Variants in SLCO4C1 observed in about 807,000 individuals in gnomAD.
SLCO4C1 encodes the protein organic anion transporter M1.
Under a neutral mutation model 72.1 loss-of-function variants are expected in SLCO4C1, and 58 were observed. That is an observed-to-expected ratio of 0.80 (90% CI 0.65 to 1.00). SLCO4C1 has a LOEUF of 1.00. Ranked by LOEUF, SLCO4C1 falls within the 50% of genes least tolerant of loss-of-function variation. The pLI is 0.00. For synonymous variants in SLCO4C1, 297 were observed against 312.5 expected (o/e 0.95, Z 0.52); for missense variants, 898 against 857.9 (o/e 1.05, Z -0.58).
chr5:102,236,837 A>C lies in SLCO4C1; in HGVS notation c.*21T>G, dbSNP rs749305462. ...TCGAGGTAAATTTTCCAGGTGTAAA[A>C]CAGTCTTCTCTTTTCCCATTTCACC... On this transcript the variant is annotated 3_prime_UTR_variant, in exon 13 of 13. Transcript: ENST00000310954. 6.2e-7 allele frequency: 1 copy of C among 1,607,770 alleles called. No homozygotes were observed. Among genetic ancestry groups the C allele is most frequent in the African/African-American group, 1.3e-5 (1 of 74,824 alleles).
At chr5:102,254,817 A>C (rs1748804612) in intron 8 of SLCO4C1, among the ~76,000 whole-genome samples, 1 of 152,202 alleles carries the variant, frequency 6.6e-6, no homozygotes, top group African/African-American at 2.4e-5. Context: ...TGGAAAACCA[A>C]AATATCCACT....
Position 102,269,238 on chromosome 5 carries a change from T to G in SLCO4C1, c.802+1386A>C, listed in dbSNP as rs555231448. On this transcript the variant is annotated intron_variant, in intron 3 of 12. Transcript: ENST00000310954. ...CCCACAATTTGAGATGTTTTCAGCA[T>G]TATTTCATTATATGGATTTTCTATA... Among the ~76,000 whole-genome samples, 26 of 152,282 alleles carry G rather than the reference T, an allele frequency of 1.7e-4. No homozygotes were observed. The South Asian group carries it at 2.1e-3, about 12-fold the overall frequency.
At chr5:102,273,410 A>T (rs144042452) in intron 2 of SLCO4C1, among the ~76,000 whole-genome samples, 1 of 152,302 alleles carries the variant, frequency 6.6e-6, no homozygotes, top group Admixed American at 6.5e-5. Flanking sequence ...AAGTCTGTGA[A>T]TTTTAAAGAT....
At chr5:102,259,572 G>T (rs544090460) in intron 6 of SLCO4C1, among the ~76,000 whole-genome samples, 2 of 152,020 alleles carry the variant, frequency 1.3e-5, no homozygotes, top group South Asian at 4.1e-4. Context: ...TCTTGAAAAG[G>T]TAAAATTATA....
chr5:102,271,198 C>T (rs1290999852), intron 2 of SLCO4C1, among the ~76,000 whole-genome samples: 1 of 151,960 alleles, frequency 6.6e-6, no homozygotes, highest in South Asian at 2.1e-4. Context: ...ATGTCCCGGA[C>T]GTCTCTGATA....
At chr5:102,261,256 T>C (rs975281128) in intron 5 of SLCO4C1, among the ~76,000 whole-genome samples, 1 of 151,780 alleles carries the variant, frequency 6.6e-6, no homozygotes, top group African/African-American at 2.4e-5. Flanking sequence ...CTAATAAAAA[T>C]ACAAAATTAG....
chr5:102,247,471 A>T, intron 9 of SLCO4C1, 29 bp from the exon 10 acceptor site: 1 of 1,376,850 alleles, frequency 7.3e-7, no homozygotes, highest in Non-Finnish European at 9.9e-7. Flanking sequence ...AAAACAATGA[A>T]AGTGATCATT....
chr5:102,249,772 T>C lies in SLCO4C1; in HGVS notation c.1486A>G (p.Asn496Asp). The C allele has an allele frequency of 6.2e-7, 1 of 1,613,646 alleles. No individual in the cohort carries two copies. The change falls in exon 9 of 13, where the codon AAC becomes GAC. Residue 496 changes from asparagine (N) to aspartate (D), a missense_variant. Asn to Asp is a conservative substitution (Grantham distance 23). Coordinates refer to ENST00000310954, the MANE Select transcript of SLCO4C1 (RefSeq NM_180991.5). Reference protein sequence around the residue: ...ESYNGTGELGNLIAPCNANCN... With the variant: ...ESYNGTGELGDLIAPCNANCN... The stretch of plus-strand genomic sequence containing the variant: ...TTGGCATTACAAGGGGCTATCAAGT[T>C]TCCCAATTCTCCAGTCCTGTAAATA...
At position 102,236,985 on chromosome 5, in the gene SLCO4C1, T is replaced by C. The variant is rs1208776500; in HGVS notation, c.2048A>G (p.Asn683Ser). Residue 683 changes from asparagine (N) to serine (S), a missense_variant, in exon 13 of 13, where the codon AAT becomes AGT. Transcript: ENST00000310954. ...VTCKVITMFFNGFAIFLYKPP... is the reference protein window; with the variant it reads ...VTCKVITMFFSGFAIFLYKPP... The stretch of plus-strand genomic sequence containing the variant: ...TTTATACAAAAAGATTGCAAATCCA[T>C]TGAAGAACATGGTGATAACTTTACA... The C allele has an allele frequency of 3.1e-6, 5 of 1,610,286 alleles. No homozygotes were observed. The African/African-American group carries it at 5.3e-5, about 17-fold the overall frequency.
chr5:102,256,951 A>G (rs931799878), intron 8 of SLCO4C1, among the ~76,000 whole-genome samples, 164 bp downstream of exon 8: 9 of 152,224 alleles, frequency 5.9e-5, no homozygotes, highest in Admixed American at 2.0e-4. Context: ...TTAAGAAGAC[A>G]TCAATTATCT....
intron 1 of SLCO4C1, among the ~76,000 whole-genome samples, chr5:102,293,675 T>C (rs919960967): frequency 6.6e-6 from 1 of 152,154 alleles, no homozygotes. Flanking sequence ...GGCAATAAAG[T>C]TTTCAGGCAT....
At chr5:102,288,411 T>C (rs1278929470) in intron 2 of SLCO4C1, among the ~76,000 whole-genome samples, 2 of 152,174 alleles carry the variant, frequency 1.3e-5, no homozygotes, top group Admixed American at 6.5e-5. Flanking sequence ...CTTTTTCCTA[T>C]AAAACACACT....
At chr5:102,284,766 A>AT (rs534142225) in intron 2 of SLCO4C1, among the ~76,000 whole-genome samples, 44 of 152,128 alleles carry the variant, frequency 2.9e-4, no homozygotes, top group Middle Eastern at 6.8e-3. Context: ...AAGGACATGG[A>AT]TTTTTTAAAC....
At position 102,236,825 on chromosome 5, in the gene SLCO4C1, T is replaced by C; in HGVS notation, c.*33A>G. Reference sequence around the variant, plus strand: ...TGTTCTTAAAAATCGAGGTAAATTTTCCAGGTGTAAAACAGTCTTCTCTTT... The same window carrying C: ...TGTTCTTAAAAATCGAGGTAAATTTCCCAGGTGTAAAACAGTCTTCTCTTT... On this transcript the variant is annotated 3_prime_UTR_variant, in exon 13 of 13. Transcript: ENST00000310954. The C allele has an allele frequency of 6.3e-7, 1 of 1,599,226 alleles. No individual in the cohort carries two copies. Among genetic ancestry groups the C allele is most frequent in the Non-Finnish European group, 8.5e-7 (1 of 1,175,850 alleles).
intron 2 of SLCO4C1, among the ~76,000 whole-genome samples, chr5:102,287,262 G>C (rs10052669): frequency 1.1e-4 from 16 of 151,834 alleles, no homozygotes; most frequent in Admixed American, 5.2e-4. Flanking sequence ...CAGATTTTTC[G>C]TTATAGATTC....
chr5:102,281,387 G>C (rs1749353682), intron 2 of SLCO4C1, among the ~76,000 whole-genome samples: 1 of 151,764 alleles, frequency 6.6e-6, no homozygotes, highest in East Asian at 1.9e-4. Flanking sequence ...CTAGGCAAAG[G>C]GTTTTTAGTC....
At chr5:102,258,726 T>C (rs967662924) in intron 6 of SLCO4C1, among the ~76,000 whole-genome samples, 10 of 151,280 alleles carry the variant, frequency 6.6e-5, no homozygotes, top group African/African-American at 2.4e-4. Flanking sequence ...GCCAAAAAAT[T>C]TTTCATAAAA....
chr5:102,277,490 T>C (rs1038814018), intron 2 of SLCO4C1, among the ~76,000 whole-genome samples: 1 of 152,022 alleles, frequency 6.6e-6, no homozygotes, highest in African/African-American at 2.4e-5. Flanking sequence ...TGTAGTCTAG[T>C]TGGAATTAGG....
chr5:102,292,574 A>AACT (rs1159457792), intron 1 of SLCO4C1, among the ~76,000 whole-genome samples: 2 of 152,324 alleles, frequency 1.3e-5, no homozygotes, highest in East Asian at 3.9e-4. Flanking sequence ...CATGTAAAGG[A>AACT]TTCTAGAGCA....
Sources: allele counts gnomAD v4.1 joint callset (sites outside exome capture counted in the v4.1 genomes callset), GRCh38; gene constraint gnomAD v4.1.1; transcripts MANE v1.5; gene names NCBI Gene and HGNC (gene_info 2026-07-23, HGNC 2026-07-21).